AKAP19: variants seen among roughly 807,000 people sequenced by gnomAD.
AKAP19 encodes small A-kinase anchoring protein.
chr2:190,074,435 G>A, the AKAP19 span, among the ~76,000 whole-genome samples: 2 of 152,080 alleles, frequency 1.3e-5, no homozygotes, highest in African/African-American at 4.8e-5. Flanking sequence ...GGTGGACCAT[G>A]AGGTCAAGAG....
At chr2:189,938,946 G>A in the AKAP19 span, among the ~76,000 whole-genome samples, 1 of 152,210 alleles carries the variant, frequency 6.6e-6, no homozygotes, top group Non-Finnish European at 1.5e-5. Flanking sequence ...CACCAGGCAT[G>A]TGGAACATTT....
At chr2:190,013,892 T>C in the AKAP19 span, among the ~76,000 whole-genome samples, 1 of 152,164 alleles carries the variant, frequency 6.6e-6, no homozygotes, top group Non-Finnish European at 1.5e-5. Context: ...CTCTTGGTTT[T>C]ATTGATTTTT....
At chr2:189,886,447 A>G in the AKAP19 span, among the ~76,000 whole-genome samples, 1 of 152,318 alleles carries the variant, frequency 6.6e-6, no homozygotes, top group South Asian at 2.1e-4. Context: ...GTTACTCAGT[A>G]TTTACCAAAC....
chr2:189,883,563 A>T, the AKAP19 span, among the ~76,000 whole-genome samples: 5 of 116,548 alleles, frequency 4.3e-5, no homozygotes, highest in Admixed American at 2.8e-4. Flanking sequence ...TTTTCCCCTT[A>T]CTTATGTCTA....
chr2:189,918,234 A>G, the AKAP19 span, among the ~76,000 whole-genome samples: 14 of 152,124 alleles, frequency 9.2e-5, no homozygotes, highest in Non-Finnish European at 1.9e-4. Context: ...TAGAATATAT[A>G]GTATTTATCT....
the AKAP19 span, among the ~76,000 whole-genome samples, chr2:190,055,085 C>A: frequency 2.6e-5 from 4 of 151,978 alleles, no homozygotes; most frequent in Non-Finnish European, 5.9e-5. Context: ...AGCCAAATGT[C>A]CAACAATGAT....
chr2:190,011,050 C>CTTTTTTTTTTTTTT, the AKAP19 span, among the ~76,000 whole-genome samples: 3 of 59,576 alleles, frequency 5.0e-5, no homozygotes, highest in East Asian at 5.3e-4. Flanking sequence ...CTCTCTCTCT[C>CTTTTTTTTTTTTTT]TTTTTTTTTT....
the AKAP19 span, among the ~76,000 whole-genome samples, chr2:190,059,116 TTATAAC>T: frequency 6.6e-6 from 1 of 151,798 alleles, no homozygotes; most frequent in Admixed American, 6.6e-5. Flanking sequence ...TATATCATCT[TTATAAC>T]TAAGATCATT....
the AKAP19 span, among the ~76,000 whole-genome samples, chr2:189,898,715 A>T: frequency 6.6e-6 from 1 of 152,042 alleles, no homozygotes; most frequent in East Asian, 1.9e-4. Context: ...CCTCTTCTCA[A>T]CCTATACTGC....
the AKAP19 span, among the ~76,000 whole-genome samples, chr2:190,092,923 C>T: frequency 2.6e-5 from 4 of 152,044 alleles, no homozygotes; most frequent in African/African-American, 4.8e-5. Flanking sequence ...TTACTTACAG[C>T]GAGTCGATTG....
the AKAP19 span, among the ~76,000 whole-genome samples, chr2:189,909,057 T>C: frequency 4.6e-5 from 7 of 152,172 alleles, no homozygotes; most frequent in Non-Finnish European, 5.9e-5. Context: ...TGCATGTATA[T>C]TTACAGTTGT....
chr2:189,938,943 C>T, the AKAP19 span, among the ~76,000 whole-genome samples: 1 of 152,172 alleles, frequency 6.6e-6, no homozygotes, highest in African/African-American at 2.4e-5. Context: ...CAGCACCAGG[C>T]ATGTGGAACA....
the AKAP19 span, among the ~76,000 whole-genome samples, chr2:190,109,860 A>T: frequency 6.6e-6 from 1 of 152,232 alleles, no homozygotes; most frequent in Non-Finnish European, 1.5e-5. Context: ...TGGTTCACTT[A>T]GATATCCATG....
At chr2:189,950,371 T>G in the AKAP19 span, among the ~76,000 whole-genome samples, 1 of 147,278 alleles carries the variant, frequency 6.8e-6, no homozygotes, top group East Asian at 2.0e-4. Flanking sequence ...GGTTAGGTAA[T>G]GAACCTTAGG....
At chr2:190,126,809 G>A in the AKAP19 span, among the ~76,000 whole-genome samples, 2 of 151,940 alleles carry the variant, frequency 1.3e-5, no homozygotes, top group South Asian at 4.2e-4. Flanking sequence ...TTAAATGATA[G>A]GCATAAATAA....
the AKAP19 span, among the ~76,000 whole-genome samples, chr2:190,189,059 G>C: frequency 3.9e-5 from 6 of 152,158 alleles, no homozygotes; most frequent in East Asian, 1.2e-3. Context: ...TTGAGAACTA[G>C]TCCTGGGGTA....
At chr2:190,144,248 G>GA in the AKAP19 span, among the ~76,000 whole-genome samples, 52,687 of 140,816 alleles carry the variant, frequency 0.37, 11,222 homozygotes, top group East Asian at 0.75. Context: ...GGCTCTAACA[G>GA]AAAAAAAAAA....
At chr2:190,182,944 C>T in the AKAP19 span, among the ~76,000 whole-genome samples, 3 of 152,166 alleles carry the variant, frequency 2.0e-5, no homozygotes, top group Non-Finnish European at 2.9e-5. Context: ...GTTAGATAGA[C>T]GTTTTAATCT....
At chr2:189,998,000 A>C in the AKAP19 span, among the ~76,000 whole-genome samples, 1 of 152,030 alleles carries the variant, frequency 6.6e-6, no homozygotes. Context: ...TGCTGCTTTT[A>C]CTTTTATATT....
Sources: allele counts gnomAD v4.1 joint callset (sites outside exome capture counted in the v4.1 genomes callset), GRCh38; gene constraint gnomAD v4.1.1; transcripts MANE v1.5; gene names NCBI Gene and HGNC (gene_info 2026-07-23, HGNC 2026-07-21).